Variants in PDE4DIP observed in about 807,000 individuals in gnomAD.
PDE4DIP encodes myomegalin.
A neutral mutation model predicts 221.4 loss-of-function variants in PDE4DIP; 59 were observed. The observed-to-expected ratio is 0.27, with a 90% CI of 0.22 to 0.33. The LOEUF (loss-of-function observed/expected upper bound fraction) is 0.33, where lower values mean the gene tolerates loss of function less well. PDE4DIP is among the 10% of genes least tolerant of loss of function. The pLI is 1.00. For synonymous variants in PDE4DIP, 404 were observed against 815.9 expected, an observed-to-expected ratio of 0.50 and a Z score of 8.60; for missense variants, 1,036 against 2,154.2, an observed-to-expected ratio of 0.48 and a Z score of 10.28.
intron 1 of PDE4DIP, among the ~76,000 whole-genome samples, chr1:148,915,325 T>C (rs1183656185): frequency 6.6e-6 from 1 of 152,412 alleles, no homozygotes; most frequent in East Asian, 1.9e-4. Flanking sequence ...TTTTTTTGTA[T>C]CTTTAGTAGA....
intron 20 of PDE4DIP, among the ~76,000 whole-genome samples, chr1:148,980,972 T>C (rs141585110): frequency 0.018 from 2,674 of 152,296 alleles, 33 homozygotes; most frequent in African/African-American, 0.062. Flanking sequence ...TAATGAAATT[T>C]CTCTTGTTTG....
intron 5 of PDE4DIP, among the ~76,000 whole-genome samples, chr1:148,951,535 C>A (rs1553488352): frequency 6.6e-6 from 1 of 152,262 alleles, no homozygotes; most frequent in Non-Finnish European, 1.5e-5. Flanking sequence ...CCAGCTCTTA[C>A]GGAAAGAAGC....
chr1:148,910,931 T>A lies in PDE4DIP; in HGVS notation c.142-18266T>A, dbSNP rs587633526. ...CCCAGGAATCCCATTACTGGATATA[T>A]ACCCAAAGGAAAATAAATTGTTCTA... is the stretch of plus-strand genomic sequence containing the variant. On this transcript the variant is annotated intron_variant, in intron 1 of 43. Transcript: ENST00000369354. Among the ~76,000 whole-genome samples, 41 of 103,274 alleles carry A rather than the reference T, an allele frequency of 4.0e-4. 13 individuals carry two copies. The highest frequency in any genetic ancestry group is 1.7e-3 in the African/African-American group (40 of 23,280). The allele number at this position is 103,274 out of a possible 152,430, so 67.8% of individuals were successfully genotyped here.
chr1:148,964,309 T>C (rs2057733173), intron 9 of PDE4DIP, among the ~76,000 whole-genome samples: 2 of 151,956 alleles, frequency 1.3e-5, no homozygotes, highest in African/African-American at 4.8e-5. Context: ...GGTTTCTCCA[T>C]GTTGGTCAGG....
intron 5 of PDE4DIP, chr1:148,942,406 G>A (rs587637710): frequency 5.3e-5 from 8 of 152,082 alleles, no homozygotes; most frequent in Non-Finnish European, 7.4e-5. Context: ...ATTTATGAAC[G>A]TCTATAATTA....
intron 38 of PDE4DIP, among the ~76,000 whole-genome samples, chr1:149,025,506 C>T (rs1223597025): frequency 6.6e-6 from 1 of 152,162 alleles, no homozygotes; most frequent in Non-Finnish European, 1.5e-5. Context: ...TCCCCCTTCT[C>T]AATATCCTCT....
At chr1:149,012,715 A>C (rs782701523) in exon 32 of PDE4DIP, 73 of 1,613,658 alleles carry the variant, frequency 4.5e-5, no homozygotes, top group Non-Finnish European at 6.0e-5. Context: ...GTGAGACACC[A>C]GTGGTCTCCT....
intron 4 of PDE4DIP, 70 bp from the exon 8 acceptor site, chr1:148,937,677 T>A: frequency 1.4e-6 from 1 of 721,708 alleles, no homozygotes; most frequent in Non-Finnish European, 2.5e-6. Context: ...ATCTTTGGAA[T>A]GGGCTGAAAA....
chr1:148,989,863 G>A (rs611160), intron 21 of PDE4DIP, among the ~76,000 whole-genome samples: 60,993 of 151,964 alleles, frequency 0.4, 12,466 homozygotes, highest in East Asian at 0.56. Flanking sequence ...GTTTTCAGTA[G>A]GTTTTTAAAG....
Position 148,919,485 on chromosome 1 carries a change from C to A in PDE4DIP, c.142-9712C>A, listed in dbSNP as rs1300307764. ...ACTACTAAAATGTATTTCTGGGGAT[C>A]CTGCAATGACCAGTCCTTTGTCTTT... On this transcript the variant is annotated intron_variant, in intron 1 of 43. Transcript: ENST00000369354. Among the ~76,000 whole-genome samples, 3 of 151,380 alleles carry A rather than the reference C, an allele frequency of 2.0e-5. No individual in the cohort carries two copies. The East Asian group carries it at 5.8e-4, about 29-fold the overall frequency.
intron 5 of PDE4DIP, chr1:148,953,043 G>A: frequency 2.5e-6 from 4 of 1,614,188 alleles, no homozygotes; most frequent in Non-Finnish European, 2.5e-6. Flanking sequence ...GAGAAGGATC[G>A]CCTCAAGTTC....
chr1:149,029,299 A>G (rs1271112227), intron 41 of PDE4DIP, among the ~76,000 whole-genome samples: 2 of 152,186 alleles, frequency 1.3e-5, no homozygotes, highest in African/African-American at 2.4e-5. Context: ...TTCCAGGTCA[A>G]TGGCACCAAT....
exon 31 of PDE4DIP, chr1:149,010,537 C>T (rs1381724323): frequency 2.5e-6 from 4 of 1,614,020 alleles, no homozygotes; most frequent in African/African-American, 2.7e-5. Flanking sequence ...CCAACAGCAA[C>T]CCCATCAGCT....
intron 21 of PDE4DIP, among the ~76,000 whole-genome samples, chr1:148,988,012 G>A (rs2062217043): frequency 6.6e-6 from 1 of 152,128 alleles, no homozygotes; most frequent in Admixed American, 6.6e-5. Flanking sequence ...CTTTTTGTAA[G>A]GCACCTATTC....
At chr1:148,987,288 A>G (rs587664617) in intron 21 of PDE4DIP, among the ~76,000 whole-genome samples, 4 of 152,282 alleles carry the variant, frequency 2.6e-5, no homozygotes, top group Admixed American at 6.5e-5. Flanking sequence ...AGCAGAAACT[A>G]TGGAGGACTA....
At chr1:149,004,054 C>T (rs1354400838) in intron 26 of PDE4DIP, among the ~76,000 whole-genome samples, 3 of 152,016 alleles carry the variant, frequency 2.0e-5, no homozygotes, top group Admixed American at 6.6e-5. Flanking sequence ...AAAAAGACTA[C>T]AACTATAGGG....
At chr1:149,025,346 GA>G (rs1454018849) in intron 38 of PDE4DIP, among the ~76,000 whole-genome samples, 4 of 151,812 alleles carry the variant, frequency 2.6e-5, no homozygotes, top group Non-Finnish European at 5.9e-5. Flanking sequence ...CACAGGTGGG[GA>G]ACTCAGTGTA....
intron 5 of PDE4DIP, among the ~76,000 whole-genome samples, chr1:148,949,718 G>A (rs1233999005): frequency 6.6e-6 from 1 of 152,134 alleles, no homozygotes; most frequent in Non-Finnish European, 1.5e-5. Flanking sequence ...CTACATACCA[G>A]TGATCTTTTA....
At chr1:149,017,983 C>G (rs587770339) in intron 34 of PDE4DIP, 104 bp downstream of exon 37, 2 of 1,106,256 alleles carry the variant, frequency 1.8e-6, no homozygotes, top group East Asian at 2.4e-5. Flanking sequence ...AACAGTCCAG[C>G]AAGGGAGGTG....
Sources: gnomAD v4.1 joint callset for allele counts (sites outside exome capture counted in the v4.1 genomes callset) on GRCh38, gnomAD v4.1.1 for gene constraint, MANE v1.5 for transcripts, NCBI Gene and HGNC (gene_info 2026-07-23, HGNC 2026-07-21) for gene names.